TMTC2: variants seen among roughly 807,000 people sequenced by gnomAD.
TMTC2 encodes protein O-mannosyl-transferase TMTC2.
In TMTC2, 43 loss-of-function variants were observed where a neutral mutation model predicts 82.4. The observed-to-expected ratio is 0.52, with a 90% CI of 0.41 to 0.67. The LOEUF is 0.67. Among genes scored for constraint, TMTC2 ranks in the 30% least tolerant of loss-of-function variants. TMTC2 has a pLI of 0.00. For synonymous variants in TMTC2, 408 were observed against 381.9 expected (o/e 1.07, Z -0.80); for missense variants, 919 against 1,012.4 (o/e 0.91, Z 1.25).
At chr12:82,700,906 C>G (rs1486322459) in intron 1 of TMTC2, among the ~76,000 whole-genome samples, 1 of 152,086 alleles carries the variant, frequency 6.6e-6, no homozygotes, top group Non-Finnish European at 1.5e-5. Flanking sequence ...GAAGGAGGAG[C>G]AAAGGCACGG....
intron 2 of TMTC2, among the ~76,000 whole-genome samples, chr12:82,883,084 C>CAAAAAAAAAAAAAAAAAAAAAAAAAAA (rs1872918214): frequency 7.8e-6 from 1 of 128,586 alleles, no homozygotes. Context: ...AAAAAAAAAC[C>CAAAAAAAAAAAAAAAAAAAAAAAAAAA]AAAACCTTAT....
intron 8 of TMTC2, among the ~76,000 whole-genome samples, chr12:83,016,341 A>G (rs1208484277): frequency 1.3e-5 from 2 of 152,044 alleles, no homozygotes; most frequent in African/African-American, 4.8e-5. Context: ...TGCCTGGCCA[A>G]TTTTTCCTCC....
chr12:83,071,039 T>C (rs547249114), intron 11 of TMTC2, among the ~76,000 whole-genome samples: 1 of 152,206 alleles, frequency 6.6e-6, no homozygotes, highest in Non-Finnish European at 1.5e-5. Context: ...TGCTATGAAA[T>C]GCACTCGATC....
intron 11 of TMTC2, among the ~76,000 whole-genome samples, chr12:83,075,290 G>T (rs1425551063): frequency 6.6e-6 from 1 of 152,156 alleles, no homozygotes; most frequent in Non-Finnish European, 1.5e-5. Context: ...TCTCAGGATT[G>T]CTGGATTGTT....
chr12:82,764,804 T>C (rs1055051233), intron 1 of TMTC2, among the ~76,000 whole-genome samples: 6 of 149,900 alleles, frequency 4.0e-5, no homozygotes, highest in Admixed American at 1.3e-4. Flanking sequence ...TAGGGAAAAA[T>C]ACTCATTCAT....
intron 1 of TMTC2, among the ~76,000 whole-genome samples, chr12:82,815,157 C>A (rs1241299721): frequency 6.7e-6 from 1 of 148,866 alleles, no homozygotes; most frequent in African/African-American, 2.5e-5. Context: ...GCATTTCTTT[C>A]TTTTATTCTT....
chr12:83,099,505 T>TA (rs1264860646), intron 11 of TMTC2, among the ~76,000 whole-genome samples: 3 of 152,226 alleles, frequency 2.0e-5, no homozygotes, highest in Non-Finnish European at 4.4e-5. Context: ...TACTTTTTCT[T>TA]AGAGTTTAAA....
At chr12:82,704,370 T>A (rs1317851212) in intron 1 of TMTC2, among the ~76,000 whole-genome samples, 4 of 152,180 alleles carry the variant, frequency 2.6e-5, no homozygotes, top group Non-Finnish European at 2.9e-5. Flanking sequence ...AATTTAAACA[T>A]AAACTAGAAC....
chr12:82,819,754 C>T (rs1447454028), intron 1 of TMTC2, among the ~76,000 whole-genome samples: 1 of 152,066 alleles, frequency 6.6e-6, no homozygotes, highest in Non-Finnish European at 1.5e-5. Context: ...TCACCTGCCT[C>T]GGCTTCCCAA....
intron 1 of TMTC2, among the ~76,000 whole-genome samples, chr12:82,834,110 C>T (rs1869897825): frequency 6.6e-6 from 1 of 152,044 alleles, no homozygotes; most frequent in African/African-American, 2.4e-5. Flanking sequence ...TCAGATTGCC[C>T]ATGGATATTA....
At chr12:82,839,848 C>T (rs1190293153) in intron 1 of TMTC2, among the ~76,000 whole-genome samples, 1 of 152,282 alleles carries the variant, frequency 6.6e-6, no homozygotes, top group East Asian at 1.9e-4. Context: ...TTGATCACCT[C>T]ACTTAACCTT....
At chr12:82,980,533 A>T (rs1878870092) in intron 7 of TMTC2, among the ~76,000 whole-genome samples, 1 of 151,798 alleles carries the variant, frequency 6.6e-6, no homozygotes, top group Non-Finnish European at 1.5e-5. Flanking sequence ...AGATGCTTTC[A>T]GTGTATTAGG....
chr12:82,983,937 T>C (rs114285529), intron 7 of TMTC2, among the ~76,000 whole-genome samples: 2,249 of 152,198 alleles, frequency 0.015, 53 homozygotes, highest in African/African-American at 0.052. Flanking sequence ...CAAATTATTA[T>C]TTCCTTTATT....
chr12:83,078,424 T>C (rs192347175), intron 11 of TMTC2, among the ~76,000 whole-genome samples: 1 of 152,272 alleles, frequency 6.6e-6, no homozygotes, highest in Admixed American at 6.5e-5. Flanking sequence ...TTTGATTAAA[T>C]ATATTGCCAT....
chr12:82,765,787 G>T (rs1395968632), intron 1 of TMTC2, among the ~76,000 whole-genome samples: 1 of 151,994 alleles, frequency 6.6e-6, no homozygotes, highest in Non-Finnish European at 1.5e-5. Context: ...TATCACTGGG[G>T]CTCAAAAAGT....
intron 1 of TMTC2, among the ~76,000 whole-genome samples, chr12:82,851,661 G>A (rs906179680): frequency 7.2e-5 from 11 of 152,192 alleles, no homozygotes; most frequent in Admixed American, 5.2e-4. Flanking sequence ...CAGCACTGAA[G>A]CAGGGCAGGT....
chr12:82,780,558 G>C (rs1208873125), intron 1 of TMTC2, among the ~76,000 whole-genome samples: 1 of 152,008 alleles, frequency 6.6e-6, no homozygotes, highest in Admixed American at 6.6e-5. Flanking sequence ...TACAAGAGAA[G>C]TTCACAAAGT....
At chr12:82,937,801 C>CAT (rs1472857787) in intron 4 of TMTC2, among the ~76,000 whole-genome samples, 1,602 of 25,116 alleles carry the variant, frequency 0.064, 104 homozygotes, top group African/African-American at 0.14. Flanking sequence ...TATATACACA[C>CAT]ATATATATAT....
At chr12:83,053,407 G>C (rs1021563727) in intron 10 of TMTC2, among the ~76,000 whole-genome samples, 2 of 151,996 alleles carry the variant, frequency 1.3e-5, no homozygotes, top group African/African-American at 4.8e-5. Flanking sequence ...CAGCAATTTA[G>C]GGAAAGTTAT....
Sources: allele counts gnomAD v4.1 joint callset (sites outside exome capture counted in the v4.1 genomes callset), GRCh38; gene constraint gnomAD v4.1.1; transcripts MANE v1.5; gene names NCBI Gene and HGNC (gene_info 2026-07-23, HGNC 2026-07-21).